Variants in NAALADL2 observed in about 807,000 individuals in gnomAD.
The protein encoded by NAALADL2 is N-acetylated alpha-linked acidic dipeptidase like 2, also known as inactive N-acetylated-alpha-linked acidic dipeptidase-like protein 2.
Under a neutral mutation model 87.2 loss-of-function variants are expected in NAALADL2, and 76 were observed. The observed-to-expected ratio is 0.87, with a 90% CI of 0.72 to 1.05. The LOEUF is 1.05. Ranked by LOEUF, NAALADL2 falls within the 50% of genes least tolerant of loss-of-function variation. The probability of loss-of-function intolerance (pLI) is 0.00; values close to 1 mark genes in which losing one functional copy is unlikely to be tolerated. For missense variants in NAALADL2, 1,089 were observed against 945.8 expected (o/e 1.15, Z -1.99); for synonymous variants, 354 against 331.0 (o/e 1.07, Z -0.75).
chr3:175,570,345 C>T (rs1582444841), intron 9 of NAALADL2, among the ~76,000 whole-genome samples: 1 of 152,158 alleles, frequency 6.6e-6, no homozygotes, highest in African/African-American at 2.4e-5. Flanking sequence ...AATCTAATAA[C>T]ACTCTCATAG....
chr3:175,392,877 T>G (rs1051304431), intron 5 of NAALADL2, among the ~76,000 whole-genome samples: 1 of 152,198 alleles, frequency 6.6e-6, no homozygotes. Context: ...ATGACCTAAA[T>G]GAGGGCAATT....
intron 2 of NAALADL2, among the ~76,000 whole-genome samples, chr3:174,609,851 G>A (rs866694656): frequency 1.6e-4 from 25 of 152,074 alleles, no homozygotes; most frequent in Non-Finnish European, 3.2e-4. Flanking sequence ...AGCCCGCATC[G>A]CCAAGTCAAT....
chr3:174,581,697 CAT>C (rs957755437), intron 2 of NAALADL2, among the ~76,000 whole-genome samples: 1 of 152,144 alleles, frequency 6.6e-6, no homozygotes. Flanking sequence ...TCTTGCCAGG[CAT>C]ATGATAGGAT....
At chr3:175,698,545 A>T (rs1275341466) in intron 11 of NAALADL2, among the ~76,000 whole-genome samples, 2 of 145,440 alleles carry the variant, frequency 1.4e-5, no homozygotes. Flanking sequence ...GTGCAGGAAG[A>T]TTGATTTTGA....
At chr3:175,561,851 G>T (rs776373705) in intron 9 of NAALADL2, among the ~76,000 whole-genome samples, 2 of 152,288 alleles carry the variant, frequency 1.3e-5, no homozygotes, top group East Asian at 1.9e-4. Context: ...ATCACACAGG[G>T]TATCTTTTTT....
intron 2 of NAALADL2, among the ~76,000 whole-genome samples, chr3:174,724,740 G>A (rs951060068): frequency 1.3e-5 from 2 of 152,052 alleles, no homozygotes; most frequent in Non-Finnish European, 2.9e-5. Context: ...AATTACCACA[G>A]CATCTATATG....
intron 1 of NAALADL2, among the ~76,000 whole-genome samples, chr3:174,915,595 A>G (rs187407177): frequency 6.6e-6 from 1 of 152,224 alleles, no homozygotes. Flanking sequence ...TTTATTTATT[A>G]TATTTATTAG....
chr3:174,924,065 T>C (rs1346486078), intron 1 of NAALADL2, among the ~76,000 whole-genome samples: 1 of 152,092 alleles, frequency 6.6e-6, no homozygotes, highest in Non-Finnish European at 1.5e-5. Flanking sequence ...TGCTGTTACA[T>C]GCTTTTCTTT....
At chr3:175,155,549 G>A (rs1213141748) in intron 2 of NAALADL2, among the ~76,000 whole-genome samples, 1 of 152,080 alleles carries the variant, frequency 6.6e-6, no homozygotes, top group Non-Finnish European at 1.5e-5. Flanking sequence ...GGTACTTTAA[G>A]TGGATAGTGA....
At chr3:175,334,249 G>A (rs1761741622) in intron 5 of NAALADL2, among the ~76,000 whole-genome samples, 1 of 151,850 alleles carries the variant, frequency 6.6e-6, no homozygotes, top group African/African-American at 2.4e-5. Context: ...AGATTAGATA[G>A]ACAGATAGAT....
intron 13 of NAALADL2, 49 bp downstream of exon 13, chr3:175,755,467 T>C (rs1470786673): frequency 1.5e-6 from 2 of 1,379,084 alleles, no homozygotes; most frequent in South Asian, 1.4e-5. Flanking sequence ...CATTAAATGT[T>C]TATGTTTAAC....
chr3:174,828,477 G>T (rs115027942), intron 3 of NAALADL2, among the ~76,000 whole-genome samples: 32 of 152,296 alleles, frequency 2.1e-4, no homozygotes, highest in African/African-American at 7.7e-4. Context: ...CTGTATCATG[G>T]AGTAAAGCTA....
chr3:175,326,917 C>T (rs1760781916), intron 5 of NAALADL2, among the ~76,000 whole-genome samples: 2 of 152,134 alleles, frequency 1.3e-5, no homozygotes, highest in African/African-American at 2.4e-5. Flanking sequence ...GGTACACATC[C>T]AAATCATAGG....
intron 1 of NAALADL2, among the ~76,000 whole-genome samples, chr3:174,497,805 C>T (rs1016749732): frequency 6.6e-6 from 1 of 152,010 alleles, no homozygotes; most frequent in Admixed American, 6.6e-5. Context: ...AGGACTTAGA[C>T]TAAAATATGT....
At chr3:174,881,394 A>G (rs1402464799) in intron 1 of NAALADL2, among the ~76,000 whole-genome samples, 2 of 152,096 alleles carry the variant, frequency 1.3e-5, no homozygotes, top group Non-Finnish European at 2.9e-5. Flanking sequence ...AACATATTAC[A>G]CAATAGCCTC....
In NAALADL2 at chr3:175,336,278, T is replaced by C. The variant is rs117515345; in HGVS notation, c.1090+11953T>C. 3.0e-4 allele frequency among the ~76,000 whole-genome samples: 45 copies of C among 152,292 alleles called. No individual in the cohort carries two copies. In the East Asian group the frequency reaches 8.5e-3, roughly 29 times the overall value. ...TACTACAAAACTATTAGACTTATTA[T>C]TATTGTAATGTGTTTTCAAGTCTCT... On this transcript the variant is annotated intron_variant, in intron 5 of 13. Transcript: ENST00000454872.
At chr3:174,882,771 GTATATATACATA>G (rs1560319477) in intron 1 of NAALADL2, among the ~76,000 whole-genome samples, 1,797 of 131,364 alleles carry the variant, frequency 0.014, 52 homozygotes, top group African/African-American at 0.045. Context: ...ATACACACGT[GTATATATACATA>G]TGTGTATATA....
intron 11 of NAALADL2, among the ~76,000 whole-genome samples, chr3:175,692,924 T>G (rs1737243017): frequency 6.6e-6 from 1 of 152,178 alleles, no homozygotes; most frequent in Non-Finnish European, 1.5e-5. Context: ...ATTATAAGTC[T>G]AGGAGTCCCA....
chr3:175,547,655 T>C (rs1713591068), intron 9 of NAALADL2, among the ~76,000 whole-genome samples: 1 of 151,986 alleles, frequency 6.6e-6, no homozygotes, highest in Non-Finnish European at 1.5e-5. Context: ...TTTGCAAATT[T>C]TGCTTCTGAC....
Sources: allele counts gnomAD v4.1 joint callset (sites outside exome capture counted in the v4.1 genomes callset), GRCh38; gene constraint gnomAD v4.1.1; transcripts MANE v1.5; gene names NCBI Gene and HGNC (gene_info 2026-07-23, HGNC 2026-07-21).